The following MNAT1 variants were observed in gnomAD, a reference collection of about 807,000 sequenced individuals.
MNAT1 encodes CDK-activating kinase assembly factor MAT1.
A neutral mutation model predicts 42.0 loss-of-function variants in MNAT1; 43 were observed. The observed-to-expected ratio is 1.02, with a 90% CI of 0.80 to 1.32. The LOEUF (loss-of-function observed/expected upper bound fraction) is 1.32. Among genes scored for constraint, MNAT1 ranks in the 40% most tolerant of loss-of-function variants. MNAT1 has a pLI of 0.00. For missense variants in MNAT1, 306 were observed against 350.4 expected, an observed-to-expected ratio of 0.87 and a Z score of 1.01; for synonymous variants, 118 against 120.0, an observed-to-expected ratio of 0.98 and a Z score of 0.11.
chr14:60,804,065 C>G (rs1349770023), intron 3 of MNAT1, among the ~76,000 whole-genome samples: 2 of 152,108 alleles, frequency 1.3e-5, no homozygotes, highest in Non-Finnish European at 2.9e-5. Flanking sequence ...GAATACTTAT[C>G]TTAAAAGGGT....
In MNAT1 at chr14:60,898,095, TTGTGTG is replaced by T. The variant is rs756357048; in HGVS notation, c.809+18301_809+18306del. On this transcript the variant is annotated intron_variant, in intron 7 of 7. Coordinates refer to ENST00000261245, the MANE Select transcript of MNAT1 (RefSeq NM_002431.4). ...CTTTGAATGGCTAAATAGTAATACATTGTGTGTGTGTGTGTGTGTGTGTGTGTGTGT... is the reference window on the plus strand; with the variant it reads ...CTTTGAATGGCTAAATAGTAATACATTGTGTGTGTGTGTGTGTGTGTGTGT... 2.0e-3 allele frequency among the ~76,000 whole-genome samples: 284 copies of T among 143,764 alleles called. 3 individuals are homozygous for T. The highest frequency in any genetic ancestry group is 5.0e-3 in the East Asian group (24 of 4,838). The allele number at this position is 143,764 out of a possible 152,430, so 94.3% of individuals were successfully genotyped here.
At chr14:60,737,091 T>C (rs941459641) in intron 1 of MNAT1, among the ~76,000 whole-genome samples, 4 of 152,156 alleles carry the variant, frequency 2.6e-5, no homozygotes, top group African/African-American at 9.6e-5. Context: ...ATCATCCTTT[T>C]AAAGAAGTAC....
At chr14:60,880,620 C>G (rs932941122) in intron 7 of MNAT1, among the ~76,000 whole-genome samples, 1 of 151,794 alleles carries the variant, frequency 6.6e-6, no homozygotes, top group African/African-American at 2.4e-5. Context: ...GTCAGAGACC[C>G]CAAGAACAAA....
At chr14:60,888,090 T>G (rs912708126) in intron 7 of MNAT1, among the ~76,000 whole-genome samples, 7 of 149,406 alleles carry the variant, frequency 4.7e-5, no homozygotes, top group South Asian at 2.2e-4. Flanking sequence ...CCTCCCTAAC[T>G]CATTGTATGA....
intron 6 of MNAT1, among the ~76,000 whole-genome samples, chr14:60,870,400 A>G (rs1282991224): frequency 1.3e-5 from 2 of 152,136 alleles, no homozygotes; most frequent in African/African-American, 4.8e-5. Flanking sequence ...TTTTACTTTT[A>G]AAGCCTTATT....
intron 1 of MNAT1, chr14:60,754,009 T>C (rs1045437999): frequency 6.6e-6 from 1 of 152,214 alleles, no homozygotes; most frequent in African/African-American, 2.4e-5. Context: ...AGCAGCCTTA[T>C]GAAGTTCCGT....
At chr14:60,954,595 A>G (rs1030441138) in intron 7 of MNAT1, among the ~76,000 whole-genome samples, 7 of 152,190 alleles carry the variant, frequency 4.6e-5, no homozygotes, top group Non-Finnish European at 8.8e-5. Context: ...CTGATTTTGC[A>G]TGCTGAAGCT....
At chr14:60,871,876 G>A (rs952184479) in intron 6 of MNAT1, among the ~76,000 whole-genome samples, 2 of 152,080 alleles carry the variant, frequency 1.3e-5, no homozygotes, top group Non-Finnish European at 2.9e-5. Flanking sequence ...ACCCGCCTCG[G>A]CCTCCCAAAG....
At chr14:60,873,151 A>G (rs1037611542) in intron 6 of MNAT1, among the ~76,000 whole-genome samples, 3 of 152,078 alleles carry the variant, frequency 2.0e-5, no homozygotes, top group African/African-American at 7.2e-5. Flanking sequence ...GACTCTCACT[A>G]TGTTTATTAA....
At chr14:60,883,363 T>A (rs997489164) in intron 7 of MNAT1, among the ~76,000 whole-genome samples, 1 of 152,116 alleles carries the variant, frequency 6.6e-6, no homozygotes, top group East Asian at 1.9e-4. Context: ...GTCTTGGCAC[T>A]TTTGTCAAAA....
chr14:60,952,576 G>A lies in MNAT1; in HGVS notation c.810-15653G>A, dbSNP rs566644724. The stretch of plus-strand genomic sequence containing the variant: ...TTCACACTGGTATTCAGGAGAAAGA[G>A]CATTCCAAGATGACCCCAGTGAGGA... On this transcript the variant is annotated intron_variant, in intron 7 of 7. Coordinates refer to ENST00000261245, the MANE Select transcript of MNAT1 (RefSeq NM_002431.4). 2.0e-5 allele frequency among the ~76,000 whole-genome samples: 3 copies of A among 152,264 alleles called. No individual in the cohort carries two copies. The East Asian group carries it at 5.8e-4, about 29-fold the overall frequency.
chr14:60,847,757 A>G (rs1386149653), intron 6 of MNAT1, among the ~76,000 whole-genome samples: 4 of 152,194 alleles, frequency 2.6e-5, no homozygotes, highest in Admixed American at 1.3e-4. Context: ...TAGGGTTACA[A>G]TATGCATATT....
intron 6 of MNAT1, among the ~76,000 whole-genome samples, chr14:60,820,003 T>A (rs544790637): frequency 1.3e-5 from 2 of 152,282 alleles, no homozygotes; most frequent in African/African-American, 4.8e-5. Context: ...TTTACCTAGT[T>A]TTTATATACA....
At chr14:60,780,540 C>G in intron 1 of MNAT1, 1 of 1,539,464 alleles carries the variant, frequency 6.5e-7, no homozygotes, top group Non-Finnish European at 9.0e-7. Flanking sequence ...TCATTTACTA[C>G]TACAATCCAC....
intron 7 of MNAT1, among the ~76,000 whole-genome samples, chr14:60,934,528 C>CT (rs2139575203): frequency 6.6e-6 from 1 of 152,238 alleles, no homozygotes; most frequent in South Asian, 2.1e-4. Context: ...GTGAATAAGT[C>CT]TCACGAGATC....
intron 7 of MNAT1, among the ~76,000 whole-genome samples, chr14:60,925,595 T>G (rs763791467): frequency 1.3e-5 from 2 of 152,234 alleles, no homozygotes; most frequent in Non-Finnish European, 2.9e-5. Flanking sequence ...CTTAGCAACC[T>G]TATCCCTTCC....
chr14:60,943,030 G>GCT (rs2036204225), intron 7 of MNAT1, among the ~76,000 whole-genome samples: 3 of 131,020 alleles, frequency 2.3e-5, no homozygotes, highest in Admixed American at 8.1e-5. Flanking sequence ...GTGTGTGTGT[G>GCT]TGTGTGTGTG....
intron 1 of MNAT1, among the ~76,000 whole-genome samples, chr14:60,754,153 A>C (rs2030224892): frequency 6.6e-6 from 1 of 152,194 alleles, no homozygotes; most frequent in Admixed American, 6.5e-5. Flanking sequence ...GATTCCTGAC[A>C]CTGAGAAATT....
chr14:60,946,514 CTTTTTG>C (rs530212803), intron 7 of MNAT1, among the ~76,000 whole-genome samples: 66 of 151,988 alleles, frequency 4.3e-4, no homozygotes, highest in African/African-American at 1.5e-3. Flanking sequence ...ACACTACTTC[CTTTTTG>C]TTTTTGTTTT....
Sources: gnomAD v4.1 joint callset for allele counts (sites outside exome capture counted in the v4.1 genomes callset) on GRCh38, gnomAD v4.1.1 for gene constraint, MANE v1.5 for transcripts, NCBI Gene and HGNC (gene_info 2026-07-23, HGNC 2026-07-21) for gene names.